Variants in MEGF6 observed in about 807,000 individuals in gnomAD.
MEGF6 encodes multiple epidermal growth factor-like domains protein 6.
MEGF6 carries 184 observed loss-of-function variants against 207.1 expected under a neutral mutation model. The ratio of observed to expected loss-of-function variants is 0.89; its 90% CI spans 0.79 to 1.00. The LOEUF (loss-of-function observed/expected upper bound fraction) is 1.00. Ranked by LOEUF, MEGF6 falls within the 50% of genes least tolerant of loss-of-function variation. The probability of loss-of-function intolerance (pLI) is 0.00; values close to 1 mark genes in which losing one functional copy is unlikely to be tolerated. For synonymous variants in MEGF6, 1,038 were observed against 910.0 expected (o/e 1.14, Z -2.53); for missense variants, 2,282 against 2,202.9 (o/e 1.04, Z -0.72).
intron 4 of MEGF6, among the ~76,000 whole-genome samples, chr1:3,537,114 G>A (rs1401902545): frequency 1.3e-5 from 2 of 152,254 alleles, no homozygotes; most frequent in East Asian, 3.8e-4. Flanking sequence ...CATAGTGGGG[G>A]CTGCCTTCAC....
intron 21 of MEGF6, 151 bp downstream of exon 21, chr1:3,500,482 T>C: frequency 1.7e-6 from 2 of 1,165,200 alleles, no homozygotes; most frequent in South Asian, 1.6e-5. Flanking sequence ...TTGGTGGGTG[T>C]GTGCGCGCAC....
chr1:3,542,546 G>A (rs543161790), intron 4 of MEGF6, among the ~76,000 whole-genome samples: 14 of 152,316 alleles, frequency 9.2e-5, no homozygotes, highest in African/African-American at 3.4e-4. Flanking sequence ...GAAGGCAGGT[G>A]GAGAGAGTGG....
At chr1:3,603,406 C>T (rs1282682485) in intron 1 of MEGF6, among the ~76,000 whole-genome samples, 3 of 152,096 alleles carry the variant, frequency 2.0e-5, no homozygotes, top group Non-Finnish European at 4.4e-5. Context: ...AGGGGTGAGG[C>T]GGGCTCCCTC....
intron 4 of MEGF6, among the ~76,000 whole-genome samples, chr1:3,553,073 G>A (rs546643035): frequency 2.0e-5 from 3 of 152,212 alleles, no homozygotes; most frequent in South Asian, 4.1e-4. Flanking sequence ...CAAAGGTAAC[G>A]CACAGCCCTG....
chr1:3,591,052 C>G (rs1052960030), intron 3 of MEGF6, among the ~76,000 whole-genome samples: 1 of 152,150 alleles, frequency 6.6e-6, no homozygotes, highest in African/African-American at 2.4e-5. Flanking sequence ...GCAGACCCCA[C>G]AGAGGCAGAG....
At chr1:3,506,995 C>A (rs1470947051) in intron 14 of MEGF6, among the ~76,000 whole-genome samples, 1 of 152,182 alleles carries the variant, frequency 6.6e-6, no homozygotes, top group Non-Finnish European at 1.5e-5. Flanking sequence ...GGGTGCAGCA[C>A]CCAGGAATGA....
At chr1:3,501,451 G>A in intron 18 of MEGF6, 143 bp from the exon 19 acceptor site, 3 of 1,272,124 alleles carry the variant, frequency 2.4e-6, no homozygotes, top group Non-Finnish European at 3.2e-6. Flanking sequence ...GAGGGGAGAG[G>A]ACCCGGGCAC....
rs546565966 is a variant in MEGF6 at position 3,585,888 on chromosome 1, C to T, written c.377-5959G>A. On this transcript the variant is annotated intron_variant, in intron 3 of 36. Transcript: ENST00000356575. ...GTGTGTGGGTGTGAGGACACATGTC[C>T]TGTGTGTGGACACGTCCTGTGTGTG... Among the ~76,000 whole-genome samples the T allele has an allele frequency of 2.2e-5, 3 of 138,484 alleles. No individual in the cohort carries two copies. In the East Asian group the frequency reaches 6.8e-4, roughly 32 times the overall value. The allele number at this position is 138,484 out of a possible 152,430, so 90.9% of individuals were successfully genotyped here.
chr1:3,576,857 G>A (rs1643657462), intron 4 of MEGF6, among the ~76,000 whole-genome samples: 1 of 140,112 alleles, frequency 7.1e-6, no homozygotes, highest in East Asian at 2.1e-4. Context: ...TGCATGCCCA[G>A]CCCTGCACAC....
intron 4 of MEGF6, among the ~76,000 whole-genome samples, chr1:3,550,730 C>A (rs1170504143): frequency 6.6e-6 from 1 of 152,256 alleles, no homozygotes; most frequent in Non-Finnish European, 1.5e-5. Context: ...AGCCACCCAA[C>A]CGGGGCAGGG....
chr1:3,499,110 G>A (rs202168710), intron 24 of MEGF6, 28 bp downstream of exon 24: 37 of 1,597,010 alleles, frequency 2.3e-5, no homozygotes, highest in African/African-American at 1.1e-4. Flanking sequence ...CCTGGACCCC[G>A]GTCCCTGGAC....
Position 3,501,108 on chromosome 1 carries a change from A to G in MEGF6, c.2447-14T>C, listed in dbSNP as rs114976020. The G allele has an allele frequency of 4.6e-3, 7,371 of 1,612,608 alleles. 292 individuals carry two copies. In the African/African-American group the frequency reaches 0.085, roughly 19 times the overall value. ...CTGCTGGGCACACTACAGGCAGGCG[A>G]GAGAGGGTGAGTGGGGCCTGGCCAC... On this transcript the variant is annotated splice_polypyrimidine_tract_variant and intron_variant, in intron 19 of 36. Coordinates refer to ENST00000356575, the MANE Select transcript of MEGF6 (RefSeq NM_001409.4).
At chr1:3,559,290 T>C (rs1260084823) in intron 4 of MEGF6, among the ~76,000 whole-genome samples, 1 of 152,092 alleles carries the variant, frequency 6.6e-6, no homozygotes, top group Non-Finnish European at 1.5e-5. Flanking sequence ...TGGTTCCTCC[T>C]AATTTAGGTT....
chr1:3,499,712 G>A lies in MEGF6; in HGVS notation c.2841C>T (p.Cys947=). ...AGTCCAATCCAAAGAAGCCGGCCGG[G>A]CAGGCTGCAGACAGCGGGCAGTGAT... ...GWRGTFCEHA[C]PAGFFGLDCR... Residue 947 remains cysteine (C), a synonymous_variant, in exon 23 of 37, where the codon TGC becomes TGT. Coordinates refer to ENST00000356575, the MANE Select transcript of MEGF6 (RefSeq NM_001409.4). 6.2e-7 allele frequency: 1 copy of A among 1,604,026 alleles called. No individual in the cohort carries two copies. Among genetic ancestry groups the A allele is most frequent in the South Asian group, 1.1e-5 (1 of 89,356 alleles).
chr1:3,527,343 C>T (rs1011870178), intron 4 of MEGF6, among the ~76,000 whole-genome samples: 10 of 152,248 alleles, frequency 6.6e-5, no homozygotes, highest in African/African-American at 2.4e-4. Flanking sequence ...CCCATCCACG[C>T]TCTGAGAATG....
At chr1:3,507,691 T>TTCCCCA in intron 14 of MEGF6, 104 bp downstream of exon 14, 1 of 1,479,504 alleles carries the variant, frequency 6.8e-7, no homozygotes, top group Non-Finnish European at 9.4e-7. Context: ...GTTTCCCTGC[T>TTCCCCA]CCAGTGGGAG....
chr1:3,562,974 A>G (rs1643246015), intron 4 of MEGF6, among the ~76,000 whole-genome samples: 1 of 151,918 alleles, frequency 6.6e-6, no homozygotes, highest in Admixed American at 6.6e-5. Context: ...TGGCTGGAGG[A>G]AGGCTTTCAG....
intron 4 of MEGF6, among the ~76,000 whole-genome samples, chr1:3,564,369 G>A (rs911272116): frequency 3.3e-5 from 5 of 152,094 alleles, no homozygotes; most frequent in East Asian, 1.9e-4. Context: ...TCAGTAAAGC[G>A]GGGGGTTGTC....
Position 3,501,455 on chromosome 1 carries a change from C to T in MEGF6, c.2315-147G>A, listed in dbSNP as rs970596190. 61 of 1,234,438 alleles carry T rather than the reference C, an allele frequency of 4.9e-5. No individual in the cohort carries two copies. The African/African-American group carries it at 5.1e-4, about 10-fold the overall frequency. 76.5% of individuals were successfully genotyped at this position (1,234,438 alleles called of 1,614,324 possible). On this transcript the variant is annotated intron_variant, in intron 18 of 36. Coordinates refer to ENST00000356575, the MANE Select transcript of MEGF6 (RefSeq NM_001409.4). ...CCTGCCCCGGGGAGGGGAGAGGACC[C>T]GGGCACCTCCTGGGGCTGCAGGCTG...
Sources: gnomAD v4.1 joint callset for allele counts (sites outside exome capture counted in the v4.1 genomes callset) on GRCh38, gnomAD v4.1.1 for gene constraint, MANE v1.5 for transcripts, NCBI Gene and HGNC (gene_info 2026-07-23, HGNC 2026-07-21) for gene names.